Variants in PEBP4 observed in about 807,000 individuals in gnomAD.
PEBP4 encodes the protein phosphatidylethanolamine binding protein 4, also known as phosphatidylethanolamine-binding protein 4.
PEBP4 carries 22 observed loss-of-function variants against 23.9 expected under a neutral mutation model. That is an observed-to-expected ratio of 0.92 (90% CI 0.66 to 1.31). The LOEUF (loss-of-function observed/expected upper bound fraction) is 1.31, where lower values mean the gene tolerates loss of function less well. Ranked by LOEUF, PEBP4 falls within the 40% of genes most tolerant of loss-of-function variation. PEBP4 has a pLI of 0.00. For synonymous variants in PEBP4, 112 were observed against 99.3 expected (o/e 1.13, Z -0.76); for missense variants, 324 against 281.7 (o/e 1.15, Z -1.07).
chr8:22,784,742 C>T (rs1292747533), intron 4 of PEBP4, among the ~76,000 whole-genome samples: 1 of 152,192 alleles, frequency 6.6e-6, no homozygotes, highest in African/African-American at 2.4e-5. Context: ...CAGGAAAAAC[C>T]CCTAAATCCA....
At chr8:22,784,335 C>T (rs1805986170) in intron 4 of PEBP4, among the ~76,000 whole-genome samples, 1 of 152,124 alleles carries the variant, frequency 6.6e-6, no homozygotes, top group African/African-American at 2.4e-5. Context: ...GGGATGGGGT[C>T]AGGAATCAAA....
intron 4 of PEBP4, 86 bp from the exon 5 acceptor site, chr8:22,727,306 G>T: frequency 7.5e-7 from 1 of 1,324,762 alleles, no homozygotes; most frequent in Non-Finnish European, 1.1e-6. Flanking sequence ...TTCTCTCTCT[G>T]CAGGAGGAGG....
At chr8:22,900,158 C>T (rs940141380) in intron 3 of PEBP4, among the ~76,000 whole-genome samples, 2 of 152,152 alleles carry the variant, frequency 1.3e-5, no homozygotes, top group African/African-American at 2.4e-5. Context: ...ATGTGACAGG[C>T]TCTCTAAATG....
intron 6 of PEBP4, among the ~76,000 whole-genome samples, chr8:22,723,045 T>G (rs982309935): frequency 2.6e-5 from 4 of 151,116 alleles, no homozygotes; most frequent in Non-Finnish European, 5.9e-5. Flanking sequence ...TCTCCCAAAG[T>G]GCTGGGATTA....
At chr8:22,819,701 G>A (rs954646327) in intron 3 of PEBP4, among the ~76,000 whole-genome samples, 6 of 152,044 alleles carry the variant, frequency 3.9e-5, no homozygotes, top group Non-Finnish European at 8.8e-5. Flanking sequence ...CTGCCTCCGG[G>A]GTTCACGCCA....
chr8:22,877,611 C>T (rs927649522), intron 3 of PEBP4, among the ~76,000 whole-genome samples: 2 of 151,524 alleles, frequency 1.3e-5, no homozygotes, highest in Admixed American at 6.6e-5. Flanking sequence ...GGAGGAGGCT[C>T]CTGGGCTGGG....
At chr8:22,785,412 T>A (rs1806007712) in intron 4 of PEBP4, among the ~76,000 whole-genome samples, 1 of 152,020 alleles carries the variant, frequency 6.6e-6, no homozygotes, top group Non-Finnish European at 1.5e-5. Flanking sequence ...ACCACGGCCA[T>A]TTCGAGACCC....
chr8:22,917,475 C>G (rs567672740), intron 3 of PEBP4, among the ~76,000 whole-genome samples: 1 of 152,326 alleles, frequency 6.6e-6, no homozygotes, highest in South Asian at 2.1e-4. Flanking sequence ...CCCACCCCTG[C>G]CTGTGCCAGC....
chr8:22,715,840 G>A (rs1456201553), intron 6 of PEBP4, among the ~76,000 whole-genome samples: 1 of 152,224 alleles, frequency 6.6e-6, no homozygotes, highest in Non-Finnish European at 1.5e-5. Flanking sequence ...GAAGGCAGAG[G>A]GGGTGAGTCA....
chr8:22,901,291 G>C (rs1364434801), intron 3 of PEBP4, among the ~76,000 whole-genome samples: 1 of 152,202 alleles, frequency 6.6e-6, no homozygotes, highest in African/African-American at 2.4e-5. Flanking sequence ...ACACGAAATA[G>C]ATGATCTGGT....
chr8:22,916,662 T>TCATG (rs750704075), intron 3 of PEBP4, among the ~76,000 whole-genome samples: 71 of 152,296 alleles, frequency 4.7e-4, no homozygotes, highest in African/African-American at 1.6e-3. Flanking sequence ...ATTCATTCAT[T>TCATG]CATTCATGCA....
chr8:22,920,269 C>A lies in PEBP4; in HGVS notation c.173G>T (p.Cys58Phe), dbSNP rs1809172550. 1 of 1,613,826 alleles carries A rather than the reference C, an allele frequency of 6.2e-7. No homozygotes were observed. Among genetic ancestry groups the A allele is most frequent in the Non-Finnish European group, 8.5e-7 (1 of 1,179,742 alleles). The change falls in exon 3 of 7, where the codon TGC (cysteine) becomes TTC (phenylalanine). Residue 58 changes from cysteine (C) to phenylalanine (F), a missense_variant. Physicochemically the swap from Cys to Phe is radical, Grantham distance 205 (BLOSUM62 -2). Transcript: ENST00000256404. ...VFYPELGNIGCKVVPDCNNYR... is the reference protein window; with the variant it reads ...VFYPELGNIGFKVVPDCNNYR... ...GTTGTTACAATCAGGAACAACCTTGCAGCCAATGTTCCCCAACTCTGGGTA... is the reference window on the plus strand; with the variant it reads ...GTTGTTACAATCAGGAACAACCTTGAAGCCAATGTTCCCCAACTCTGGGTA...
intron 3 of PEBP4, among the ~76,000 whole-genome samples, chr8:22,891,272 C>G (rs1373070891): frequency 6.7e-6 from 1 of 149,678 alleles, no homozygotes; most frequent in Non-Finnish European, 1.5e-5. Flanking sequence ...ATGTGGCAGT[C>G]AAGGCAAAGC....
At chr8:22,776,245 A>G (rs1805812920) in intron 4 of PEBP4, among the ~76,000 whole-genome samples, 2 of 152,234 alleles carry the variant, frequency 1.3e-5, no homozygotes, top group Admixed American at 1.3e-4. Flanking sequence ...ATGGGTCTCC[A>G]GAAGCCATTG....
At chr8:22,842,713 G>A (rs1035149409) in intron 3 of PEBP4, among the ~76,000 whole-genome samples, 7 of 152,194 alleles carry the variant, frequency 4.6e-5, no homozygotes, top group African/African-American at 2.4e-5. Context: ...GGCTTCACCT[G>A]CGTGCAGCCT....
At chr8:22,901,215 C>T (rs1282171073) in intron 3 of PEBP4, among the ~76,000 whole-genome samples, 2 of 152,122 alleles carry the variant, frequency 1.3e-5, no homozygotes, top group Non-Finnish European at 2.9e-5. Context: ...GCTGGTGAAA[C>T]AAGAGAGGCA....
chr8:22,804,495 G>C (rs1209596550), intron 4 of PEBP4, among the ~76,000 whole-genome samples: 1 of 150,050 alleles, frequency 6.7e-6, no homozygotes, highest in Non-Finnish European at 1.5e-5. Context: ...ATTATGATGA[G>C]GTCACTTAAC....
At chr8:22,862,457 G>C (rs1221288017) in intron 3 of PEBP4, among the ~76,000 whole-genome samples, 5 of 152,136 alleles carry the variant, frequency 3.3e-5, no homozygotes, top group Non-Finnish European at 7.3e-5. Context: ...TAAGGGAAGG[G>C]ACCAAGGGAA....
chr8:22,727,755 C>T (rs963400550), intron 4 of PEBP4, among the ~76,000 whole-genome samples: 4 of 152,168 alleles, frequency 2.6e-5, no homozygotes, highest in African/African-American at 7.2e-5. Context: ...GAGGAGGCTA[C>T]ACTGCCTGAT....
Sources: gnomAD v4.1 joint callset for allele counts (sites outside exome capture counted in the v4.1 genomes callset) on GRCh38, gnomAD v4.1.1 for gene constraint, MANE v1.5 for transcripts, NCBI Gene and HGNC (gene_info 2026-07-23, HGNC 2026-07-21) for gene names.